PTPRN2: variants seen among roughly 807,000 people sequenced by gnomAD.
The protein encoded by PTPRN2 is protein tyrosine phosphatase receptor type N2.
In PTPRN2, 74 loss-of-function variants were observed where a neutral mutation model predicts 118.8. The ratio of observed to expected loss-of-function variants is 0.62; its 90% CI spans 0.52 to 0.76. The LOEUF (loss-of-function observed/expected upper bound fraction) is 0.76. Ranked by LOEUF, PTPRN2 falls within the 30% of genes least tolerant of loss-of-function variation. The pLI, the probability that PTPRN2 is intolerant of heterozygous loss-of-function variation, is 0.00. For missense variants in PTPRN2, 1,481 were observed against 1,394.4 expected, an observed-to-expected ratio of 1.06 and a Z score of -0.99; for synonymous variants, 641 against 608.0, an observed-to-expected ratio of 1.05 and a Z score of -0.80.
At chr7:158,204,534 GT>G (rs199614047) in intron 4 of PTPRN2, among the ~76,000 whole-genome samples, 3 of 151,764 alleles carry the variant, frequency 2.0e-5, no homozygotes, top group South Asian at 2.1e-4. Context: ...TCATTTTCAT[GT>G]TTTTTTTTAA....
At chr7:158,100,246 T>TGG (rs1815120360) in intron 10 of PTPRN2, among the ~76,000 whole-genome samples, 1 of 26,918 alleles carries the variant, frequency 3.7e-5, no homozygotes, top group Non-Finnish European at 6.2e-5. Context: ...TTCCATGGGG[T>TGG]GTGTGTGTGT....
At chr7:158,110,432 AGC>A (rs1816137872) in intron 10 of PTPRN2, among the ~76,000 whole-genome samples, 1 of 152,212 alleles carries the variant, frequency 6.6e-6, no homozygotes, top group Non-Finnish European at 1.5e-5. Context: ...TCCGAAGGGC[AGC>A]GCATTTTCCT....
chr7:158,317,962 AGGGAATCC>A (rs1179388900), intron 2 of PTPRN2, among the ~76,000 whole-genome samples: 1 of 152,202 alleles, frequency 6.6e-6, no homozygotes, highest in Non-Finnish European at 1.5e-5. Context: ...TGCAAAGCCC[AGGGAATCC>A]GGGAGGCAGC....
At chr7:158,202,317 C>T (rs2150736767) in intron 4 of PTPRN2, among the ~76,000 whole-genome samples, 1 of 152,332 alleles carries the variant, frequency 6.6e-6, no homozygotes, top group South Asian at 2.1e-4. Context: ...TTCTTATTCT[C>T]TCCTGGGCAG....
intron 11 of PTPRN2, among the ~76,000 whole-genome samples, chr7:157,995,980 G>A (rs1289930125): frequency 2.0e-5 from 3 of 152,142 alleles, no homozygotes; most frequent in Non-Finnish European, 2.9e-5. Flanking sequence ...TGCGCACAAT[G>A]GAATACTATT....
chr7:158,177,606 A>G (rs1017832133), intron 5 of PTPRN2, among the ~76,000 whole-genome samples: 1 of 152,078 alleles, frequency 6.6e-6, no homozygotes, highest in Admixed American at 6.5e-5. Context: ...CCCAGTTTGC[A>G]TTTTCTACAG....
At chr7:157,849,714 T>C (rs1385335504) in intron 12 of PTPRN2, among the ~76,000 whole-genome samples, 4 of 152,190 alleles carry the variant, frequency 2.6e-5, no homozygotes, top group South Asian at 2.1e-4. Context: ...TAGGATCCAC[T>C]ATCCAGGTGG....
At chr7:158,136,385 A>G (rs1818812158) in intron 8 of PTPRN2, among the ~76,000 whole-genome samples, 1 of 152,142 alleles carries the variant, frequency 6.6e-6, no homozygotes, top group Non-Finnish European at 1.5e-5. Flanking sequence ...TCCAGGAAAA[A>G]TTAATTTTCT....
intron 2 of PTPRN2, among the ~76,000 whole-genome samples, chr7:158,325,980 G>A (rs71545585): frequency 0.32 from 49,291 of 152,178 alleles, 8,878 homozygotes; most frequent in Middle Eastern, 0.43. Flanking sequence ...GGAGGGGAAC[G>A]CGGCCTCCTG....
At chr7:158,079,527 A>G (rs761231386) in intron 11 of PTPRN2, among the ~76,000 whole-genome samples, 29 of 152,250 alleles carry the variant, frequency 1.9e-4, no homozygotes, top group Admixed American at 4.6e-4. Context: ...TTTTAAAAAT[A>G]TAACAAGATT....
At chr7:158,079,502 G>A (rs1181274915) in intron 11 of PTPRN2, among the ~76,000 whole-genome samples, 1 of 152,190 alleles carries the variant, frequency 6.6e-6, no homozygotes, top group Non-Finnish European at 1.5e-5. Flanking sequence ...TTGTCTGTGA[G>A]TATATTGTTA....
At position 157,628,335 on chromosome 7, in the gene PTPRN2, C is replaced by G. The variant is rs144309936; in HGVS notation, c.2197-6826G>C. ...AGGTCAAGGGGCTGATTTCTAGGAA[C>G]ACGGAGCACAGACAGTCCAGAACAC... On this transcript the variant is annotated intron_variant, in intron 14 of 22. Coordinates refer to ENST00000389418, the MANE Select transcript of PTPRN2 (RefSeq NM_002847.5). 3.9e-5 allele frequency among the ~76,000 whole-genome samples: 6 copies of G among 152,342 alleles called. No individual in the cohort carries two copies. In the East Asian group the frequency reaches 1.2e-3, roughly 29 times the overall value.
intron 2 of PTPRN2, among the ~76,000 whole-genome samples, chr7:158,385,535 T>C (rs541491477): frequency 1.2e-4 from 19 of 152,302 alleles, no homozygotes; most frequent in African/African-American, 4.3e-4. Context: ...CAGCATAAAA[T>C]TCCACACCTT....
At chr7:158,225,840 C>A (rs1323676862) in intron 3 of PTPRN2, among the ~76,000 whole-genome samples, 1 of 150,342 alleles carries the variant, frequency 6.7e-6, no homozygotes, top group Non-Finnish European at 1.5e-5. Flanking sequence ...GGACTTGGGG[C>A]TGTGGCACTG....
At chr7:158,170,397 T>A (rs1014650052) in intron 5 of PTPRN2, among the ~76,000 whole-genome samples, 21 of 152,220 alleles carry the variant, frequency 1.4e-4, no homozygotes, top group African/African-American at 5.1e-4. Context: ...GCAAAGGGCC[T>A]TTAATTAAAG....
At chr7:157,685,393 C>T (rs964402184) in intron 12 of PTPRN2, among the ~76,000 whole-genome samples, 1 of 151,498 alleles carries the variant, frequency 6.6e-6, no homozygotes, top group South Asian at 2.1e-4. Flanking sequence ...TCTGAGGGGG[C>T]GGCGGGGCCA....
chr7:157,676,809 C>T lies in PTPRN2; in HGVS notation c.2001+5916G>A, dbSNP rs1386989508. ...GGTGACTGATGAGGACAGGGGGTGCCTAGGAACAGGGGCTCGGAAGGACCT... is the reference window on the plus strand; with the variant it reads ...GGTGACTGATGAGGACAGGGGGTGCTTAGGAACAGGGGCTCGGAAGGACCT... On this transcript the variant is annotated intron_variant, in intron 13 of 22. Coordinates refer to ENST00000389418, the MANE Select transcript of PTPRN2 (RefSeq NM_002847.5). This position sits in a 1 kb window ranked among gnomAD's most constrained non-coding sequence, Gnocchi z 5.6. Among the ~76,000 whole-genome samples the T allele has an allele frequency of 6.6e-6, 1 of 152,182 alleles. No individual in the cohort carries two copies. Among genetic ancestry groups the T allele is most frequent in the African/African-American group, 2.4e-5 (1 of 41,442 alleles).
chr7:157,664,864 G>C (rs1796060544), intron 13 of PTPRN2, among the ~76,000 whole-genome samples: 1 of 152,252 alleles, frequency 6.6e-6, no homozygotes, highest in South Asian at 2.1e-4. Context: ...CTGAGAGAAA[G>C]CTGGAGGCCA....
rs1805277473 is a variant in PTPRN2 at position 157,801,223 on chromosome 7, C to A, written c.1788+97450G>T. ...CTACACGGTGCAAGTTACGCCAGAC[C>A]AGAAACTGAACCGACGCTGAAAGTA... is the stretch of plus-strand genomic sequence containing the variant. On this transcript the variant is annotated intron_variant, in intron 12 of 22. Coordinates refer to ENST00000389418, the MANE Select transcript of PTPRN2 (RefSeq NM_002847.5). The surrounding 1 kb of genome is among the most constrained non-coding windows in gnomAD (Gnocchi z 4.2). 6.6e-6 allele frequency among the ~76,000 whole-genome samples: 1 copy of A among 152,026 alleles called. No individual in the cohort carries two copies. Among genetic ancestry groups the A allele is most frequent in the Non-Finnish European group, 1.5e-5 (1 of 68,008 alleles).
Sources: gnomAD v4.1 joint callset for allele counts (sites outside exome capture counted in the v4.1 genomes callset) on GRCh38, gnomAD v4.1.1 for gene constraint, Gnocchi (gnomAD v3.1) non-coding constraint, MANE v1.5 for transcripts, NCBI Gene and HGNC (gene_info 2026-07-23, HGNC 2026-07-21) for gene names.